Variants in CNTNAP2 observed in about 807,000 individuals in gnomAD.
The protein encoded by CNTNAP2 is contactin-associated protein-like 2.
In CNTNAP2, 98 loss-of-function variants were observed where a neutral mutation model predicts 155.2. The observed-to-expected ratio is 0.63, with a 90% CI of 0.54 to 0.75. CNTNAP2 has a LOEUF of 0.75. Ranked by LOEUF, CNTNAP2 falls within the 30% of genes least tolerant of loss-of-function variation. The probability of loss-of-function intolerance (pLI) is 0.00; values close to 1 mark genes in which losing one functional copy is unlikely to be tolerated. For missense variants in CNTNAP2, 1,727 were observed against 1,688.1 expected (o/e 1.02, Z -0.40); for synonymous variants, 651 against 631.2 (o/e 1.03, Z -0.47).
intron 15 of CNTNAP2, among the ~76,000 whole-genome samples, chr7:148,109,750 G>A (rs1442233670): frequency 6.6e-6 from 1 of 152,188 alleles, no homozygotes; most frequent in Non-Finnish European, 1.5e-5. Context: ...GTTTTCCAGA[G>A]CTTACATACC....
chr7:147,690,935 A>G (rs1796078486), intron 13 of CNTNAP2, among the ~76,000 whole-genome samples: 1 of 152,076 alleles, frequency 6.6e-6, no homozygotes, highest in Non-Finnish European at 1.5e-5. Context: ...TTATATTATT[A>G]TTTCAGCTTT....
chr7:146,389,120 G>A (rs1475765349), intron 1 of CNTNAP2, among the ~76,000 whole-genome samples: 2 of 152,148 alleles, frequency 1.3e-5, no homozygotes, highest in East Asian at 1.9e-4. Context: ...TCTTTGTCAC[G>A]TGATTATTAT....
At chr7:147,837,302 A>G (rs1165435102) in intron 13 of CNTNAP2, among the ~76,000 whole-genome samples, 11 of 152,190 alleles carry the variant, frequency 7.2e-5, no homozygotes. Flanking sequence ...TTATAAAACC[A>G]TCAAGATTCA....
rs762839663 is a variant in CNTNAP2 at position 146,423,038 on chromosome 7, A to G, written c.97+306065A>G. Among the ~76,000 whole-genome samples, 146 of 152,224 alleles carry G rather than the reference A, an allele frequency of 9.6e-4. 1 individual carries two copies. Among genetic ancestry groups the G allele is most frequent in the Middle Eastern group, 3.4e-3 (1 of 294 alleles). On this transcript the variant is annotated intron_variant, in intron 1 of 23. Transcript: ENST00000361727. The stretch of plus-strand genomic sequence containing the variant: ...TATTTTCTGGCCTCTTGCAAAATGT[A>G]CCTAATGCTAGTTATTTAATTATTG...
At chr7:147,238,877 A>G (rs186876661) in intron 8 of CNTNAP2, among the ~76,000 whole-genome samples, 1 of 152,344 alleles carries the variant, frequency 6.6e-6, no homozygotes, top group Non-Finnish European at 1.5e-5. Context: ...GTGTTTCTAG[A>G]AGATTTGATT....
At chr7:146,809,227 CGTT>C (rs1315912505) in intron 2 of CNTNAP2, among the ~76,000 whole-genome samples, 1 of 152,088 alleles carries the variant, frequency 6.6e-6, no homozygotes, top group Non-Finnish European at 1.5e-5. Flanking sequence ...GCCTCCCAAA[CGTT>C]GTTGTTTCTT....
chr7:148,328,461 G>A (rs936094442), intron 21 of CNTNAP2, among the ~76,000 whole-genome samples: 16 of 152,254 alleles, frequency 1.1e-4, no homozygotes, highest in South Asian at 2.1e-4. Flanking sequence ...TGCTGTTGTC[G>A]CATATGGCCA....
At chr7:147,873,029 A>C (rs1373052218) in intron 13 of CNTNAP2, among the ~76,000 whole-genome samples, 1 of 152,238 alleles carries the variant, frequency 6.6e-6, no homozygotes, top group East Asian at 1.9e-4. Flanking sequence ...CAAAAATTTG[A>C]GTTTGGCATT....
At chr7:148,365,757 TGTGTATACGTGTATACATGTATG>T (rs1563059189) in intron 21 of CNTNAP2, among the ~76,000 whole-genome samples, 1,258 of 76,366 alleles carry the variant, frequency 0.016, 452 homozygotes, top group Non-Finnish European at 0.027. Context: ...TATACATGTA[TGTGTATACGTGTATACATGTATG>T]TGTATGCATG....
At chr7:147,035,123 T>G (rs1799129167) in intron 3 of CNTNAP2, among the ~76,000 whole-genome samples, 1 of 152,058 alleles carries the variant, frequency 6.6e-6, no homozygotes. Flanking sequence ...GATCTCCTAC[T>G]ATGAGGCACC....
At chr7:147,178,387 A>G (rs572188747) in intron 8 of CNTNAP2, among the ~76,000 whole-genome samples, 2 of 152,296 alleles carry the variant, frequency 1.3e-5, no homozygotes, top group South Asian at 2.1e-4. Flanking sequence ...AAAGGCAAGG[A>G]AACAGTTTCT....
chr7:146,259,175 A>G (rs908672910), intron 1 of CNTNAP2, among the ~76,000 whole-genome samples: 1 of 152,196 alleles, frequency 6.6e-6, no homozygotes, highest in East Asian at 1.9e-4. Flanking sequence ...GGCCTCCCCA[A>G]TCATGCATAA....
At chr7:148,017,150 T>C (rs1212703048) in intron 15 of CNTNAP2, among the ~76,000 whole-genome samples, 2 of 152,208 alleles carry the variant, frequency 1.3e-5, no homozygotes, top group Non-Finnish European at 2.9e-5. Context: ...GAGCTTCTCA[T>C]CTGCGTATGG....
chr7:147,699,591 A>T (rs1405190270), intron 13 of CNTNAP2, among the ~76,000 whole-genome samples: 1 of 138,592 alleles, frequency 7.2e-6, no homozygotes, highest in Non-Finnish European at 1.6e-5. Context: ...CCAGAACTTA[A>T]AATATAATAA....
chr7:146,267,783 G>T (rs188238222), intron 1 of CNTNAP2, among the ~76,000 whole-genome samples: 27 of 152,286 alleles, frequency 1.8e-4, no homozygotes, highest in Middle Eastern at 3.4e-3. Flanking sequence ...TTTTGTTATA[G>T]TAGCACTAAT....
intron 15 of CNTNAP2, among the ~76,000 whole-genome samples, chr7:148,089,474 C>T (rs943969970): frequency 6.6e-6 from 1 of 151,738 alleles, no homozygotes; most frequent in South Asian, 2.1e-4. Flanking sequence ...ACAAAATCAA[C>T]ATACAAAAAT....
rs56287346 is a variant in CNTNAP2 at position 146,322,634 on chromosome 7, C to CTTTTTTTTTTTTTTTTT, written c.97+205663_97+205679dup. On this transcript the variant is annotated intron_variant, in intron 1 of 23. Transcript: ENST00000361727. ...AAGAGGAGACTGTTGTGTTCATTCT[C>CTTTTTTTTTTTTTTTTT]TTTTTTTTTTTTTTTTTTGCTGGCT... Among the ~76,000 whole-genome samples, 129 of 64,952 alleles carry CTTTTTTTTTTTTTTTTT rather than the reference C, an allele frequency of 2.0e-3. 13 individuals are homozygous for CTTTTTTTTTTTTTTTTT. Among genetic ancestry groups the CTTTTTTTTTTTTTTTTT allele is most frequent in the African/African-American group, 3.3e-3 (60 of 18,020 alleles). 42.6% of individuals were successfully genotyped at this position (64,952 alleles called of 152,430 possible). A position where few individuals can be genotyped will look rare whatever the true frequency, so the allele number is the denominator to read the frequency against.
intron 2 of CNTNAP2, among the ~76,000 whole-genome samples, chr7:146,795,042 A>T (rs1802744423): frequency 6.6e-6 from 1 of 152,216 alleles, no homozygotes; most frequent in Non-Finnish European, 1.5e-5. Flanking sequence ...GCCTTTGAAG[A>T]GTTTTCAGTG....
Position 147,306,713 on chromosome 7 carries a change from CT to C in CNTNAP2, c.1498+6424del, listed in dbSNP as rs1201301575. 6.7e-4 allele frequency among the ~76,000 whole-genome samples: 102 copies of C among 152,108 alleles called. 1 individual carries two copies. The highest frequency in any genetic ancestry group is 7.4e-5 in the Non-Finnish European group (5 of 68,026). ...CAGCTAAGACTTGGGGTTAGCAACCCTCGGAGCAGGATTATACTTAGGGACA... is the reference window on the plus strand; with the variant it reads ...CAGCTAAGACTTGGGGTTAGCAACCCCGGAGCAGGATTATACTTAGGGACA... On this transcript the variant is annotated intron_variant, in intron 9 of 23. Transcript: ENST00000361727.
Sources: allele counts gnomAD v4.1 joint callset (sites outside exome capture counted in the v4.1 genomes callset), GRCh38; gene constraint gnomAD v4.1.1; transcripts MANE v1.5; gene names NCBI Gene and HGNC (gene_info 2026-07-23, HGNC 2026-07-21).